Variants in RP1 observed in about 807,000 individuals in gnomAD.
The protein encoded by RP1 is RP1 axonemal microtubule associated.
Under a neutral mutation model 14.8 loss-of-function variants are expected in RP1, and 16 were observed. That is an observed-to-expected ratio of 1.08 (90% CI 0.73 to 1.65). RP1 has a LOEUF of 1.65. Among genes scored for constraint, RP1 ranks in the 40% most tolerant of loss-of-function variants. RP1 has a pLI of 0.00. For missense variants in RP1, 2,631 were observed against 2,535.0 expected, an observed-to-expected ratio of 1.04 and a Z score of -0.81; for synonymous variants, 876 against 883.6, an observed-to-expected ratio of 0.99 and a Z score of 0.15.
At chr8:54,681,509 TGTG>T (rs758287068) in intron 12 of RP1, among the ~76,000 whole-genome samples, 12 of 151,744 alleles carry the variant, frequency 7.9e-5, no homozygotes, top group African/African-American at 2.7e-4. Flanking sequence ...TGTGTGTGTG[TGTG>T]TGTGTGTGTG....
chr8:54,767,278 G>A (rs936615729), intron 22 of RP1, among the ~76,000 whole-genome samples: 7 of 152,120 alleles, frequency 4.6e-5, no homozygotes, highest in African/African-American at 1.7e-4. Flanking sequence ...AGGACATGGG[G>A]CAAGGTTGCA....
At chr8:54,739,082 C>A in intron 19 of RP1, 1 of 1,295,532 alleles carries the variant, frequency 7.7e-7, no homozygotes, top group South Asian at 1.4e-5. Flanking sequence ...TGAAAAGAAG[C>A]AAGCTGGCTA....
At chr8:54,739,146 G>A (rs1809006661) in intron 19 of RP1, 2 of 594,488 alleles carry the variant, frequency 3.4e-6, no homozygotes, top group Admixed American at 6.2e-5. Context: ...TTGACTTACA[G>A]TGGGGTTATG....
chr8:54,592,386 G>A (rs570595546), intron 1 of RP1, among the ~76,000 whole-genome samples: 1 of 152,304 alleles, frequency 6.6e-6, no homozygotes, highest in East Asian at 1.9e-4. Context: ...GTACAATTAT[G>A]TTCCTGGTGG....
At chr8:54,578,559 C>A (rs2129295589) in intron 1 of RP1, among the ~76,000 whole-genome samples, 1 of 152,206 alleles carries the variant, frequency 6.6e-6, no homozygotes, top group South Asian at 2.1e-4. Context: ...TTTCCAAAAG[C>A]AGTTCTACAT....
exon 25 of RP1, chr8:54,837,611 T>A: frequency 2.4e-6 from 3 of 1,232,036 alleles, no homozygotes; most frequent in Non-Finnish European, 3.0e-6. Context: ...AGAATGAAAA[T>A]GATGGCGATC....
intron 1 of RP1, among the ~76,000 whole-genome samples, chr8:54,619,063 G>A (rs1805795665): frequency 6.6e-6 from 1 of 152,234 alleles, no homozygotes; most frequent in African/African-American, 2.4e-5. Flanking sequence ...TTGACCAGAT[G>A]AGGATGAGAA....
At chr8:54,602,485 T>C (rs940145898) in intron 1 of RP1, among the ~76,000 whole-genome samples, 2 of 152,220 alleles carry the variant, frequency 1.3e-5, no homozygotes, top group African/African-American at 2.4e-5. Flanking sequence ...TGAATAGTGC[T>C]GCAATAAACA....
At chr8:54,692,783 T>C (rs1389221226) in intron 12 of RP1, among the ~76,000 whole-genome samples, 1 of 151,258 alleles carries the variant, frequency 6.6e-6, no homozygotes, top group Non-Finnish European at 1.5e-5. Flanking sequence ...TTCACTCTGA[T>C]TGTGGTTTCT....
At chr8:54,708,330 C>G (rs1417454098) in intron 15 of RP1, among the ~76,000 whole-genome samples, 2 of 151,080 alleles carry the variant, frequency 1.3e-5, no homozygotes, top group African/African-American at 4.9e-5. Context: ...CTGCCTCATA[C>G]TCTAGCTGAA....
chr8:54,758,828 T>C, intron 21 of RP1: 1 of 1,298,446 alleles, frequency 7.7e-7, no homozygotes, highest in Non-Finnish European at 1.1e-6. Flanking sequence ...TTGTGCTGCT[T>C]CTGGCAGTCG....
intron 6 of RP1, among the ~76,000 whole-genome samples, chr8:54,659,429 T>A (rs571703089): frequency 7.9e-5 from 12 of 152,338 alleles, no homozygotes; most frequent in African/African-American, 2.6e-4. Context: ...TTCAACTTTA[T>A]TTATTTATTT....
intron 12 of RP1, among the ~76,000 whole-genome samples, chr8:54,698,016 G>A (rs113801199): frequency 0.012 from 1,798 of 152,156 alleles, 21 homozygotes; most frequent in Middle Eastern, 0.02. Flanking sequence ...AATAGCAAGG[G>A]CAACAAAAGA....
intron 14 of RP1, among the ~76,000 whole-genome samples, chr8:54,702,985 C>T (rs760488194): frequency 2.0e-5 from 3 of 152,216 alleles, no homozygotes; most frequent in Non-Finnish European, 4.4e-5. Context: ...CTCATTCTAG[C>T]TCCTTTGCTA....
Position 54,628,984 on chromosome 8 carries a change from A to G in RP1, c.5102A>G (p.Gln1701Arg). The G allele has an allele frequency of 6.2e-7, 1 of 1,614,142 alleles. No homozygotes were observed. The highest frequency in any genetic ancestry group is 1.1e-5 in the South Asian group (1 of 91,082). The change falls in exon 4 of 4, where the codon CAA becomes CGA. Residue 1701 changes from glutamine (Q) to arginine (R), a missense_variant. Transcript: ENST00000220676. ...TTGCAGGAATTCCAGGAGGAAAGAC[A>G]AGATAAGTGTGATGTTAGTGCTGTG... ...SMLQEFQEER[Q>R]DKCDVSAVRD...
intron 24 of RP1, among the ~76,000 whole-genome samples, chr8:54,835,709 T>C (rs1811640529): frequency 6.6e-6 from 1 of 152,198 alleles, no homozygotes; most frequent in Admixed American, 6.5e-5. Context: ...AAAAACTTGC[T>C]GCAGTTCACA....
chr8:54,734,838 T>C (rs1808881429), intron 18 of RP1: 9 of 1,015,304 alleles, frequency 8.9e-6, no homozygotes, highest in Middle Eastern at 2.2e-4. Flanking sequence ...GTGTCTCCTA[T>C]ATAAAATGAA....
chr8:54,827,429 T>G (rs940718081), intron 24 of RP1, among the ~76,000 whole-genome samples: 14 of 151,816 alleles, frequency 9.2e-5, no homozygotes, highest in African/African-American at 3.4e-4. Flanking sequence ...CAAGCTCAGG[T>G]GATCCTCCCA....
chr8:54,670,273 G>T (rs893067298), intron 7 of RP1, among the ~76,000 whole-genome samples: 1 of 151,540 alleles, frequency 6.6e-6, no homozygotes, highest in Non-Finnish European at 1.5e-5. Flanking sequence ...AGGACCAATG[G>T]TTTACGGTGT....
Sources: gnomAD v4.1 joint callset for allele counts (sites outside exome capture counted in the v4.1 genomes callset) on GRCh38, gnomAD v4.1.1 for gene constraint, MANE v1.5 for transcripts, NCBI Gene and HGNC (gene_info 2026-07-23, HGNC 2026-07-21) for gene names.